Variants in ADAP1 observed in about 807,000 individuals in gnomAD.
ADAP1 encodes the protein ArfGAP with dual PH domains 1.
Under a neutral mutation model 54.9 loss-of-function variants are expected in ADAP1, and 31 were observed. That is an observed-to-expected ratio of 0.56 (90% CI 0.42 to 0.76). The LOEUF (loss-of-function observed/expected upper bound fraction) is 0.76, where lower values mean the gene tolerates loss of function less well. Among genes scored for constraint, ADAP1 ranks in the 30% least tolerant of loss-of-function variants. ADAP1 has a pLI of 0.00. For missense variants in ADAP1, 535 were observed against 512.4 expected (o/e 1.04, Z -0.42); for synonymous variants, 313 against 202.6 (o/e 1.55, Z -4.63).
chr7:904,373 G>A (rs1583123410), intron 5 of ADAP1, 101 bp from the exon 6 acceptor site: 5 of 1,442,480 alleles, frequency 3.5e-6, no homozygotes, highest in African/African-American at 2.9e-5. Context: ...CACCTGCTGT[G>A]CTGTGTGGCT....
At position 898,787 on chromosome 7, in the gene ADAP1, T is replaced by TAC; in HGVS notation, c.*132_*133dup. 1 of 1,258,360 alleles carries TAC rather than the reference T, an allele frequency of 7.9e-7. No homozygotes were observed. The highest frequency in any genetic ancestry group is 1.3e-5 in the South Asian group (1 of 76,124). 77.9% of individuals were successfully genotyped at this position (1,258,360 alleles called of 1,614,324 possible). On this transcript the variant is annotated 3_prime_UTR_variant, in exon 11 of 11. Coordinates refer to ENST00000265846, the MANE Select transcript of ADAP1 (RefSeq NM_006869.4). ...ATCCTGGAAGCTGAAGCTCGGGCCCTACCTGGCCGCGCCGGGCTGCCCTGA... is the reference window on the plus strand; with the variant it reads ...ATCCTGGAAGCTGAAGCTCGGGCCCTACACCTGGCCGCGCCGGGCTGCCCTGA...
At position 915,138 on chromosome 7, in the gene ADAP1, T is replaced by C. The variant is rs1328115967; in HGVS notation, c.388+4830A>G. Among the ~76,000 whole-genome samples, 3 of 55,202 alleles carry C rather than the reference T, an allele frequency of 5.4e-5. No individual in the cohort carries two copies. The East Asian group carries it at 3.1e-3, about 57-fold the overall frequency. 36.2% of individuals were successfully genotyped at this position (55,202 alleles called of 152,430 possible). A position where few individuals can be genotyped will look rare whatever the true frequency, so the allele number is the denominator to read the frequency against. On this transcript the variant is annotated intron_variant, in intron 4 of 10. Transcript: ENST00000265846. ...GGAGCAGCCGCAGTCTACGACCCCA[T>C]GCCCTCTGCAAGAGGCTGCCACCCT...
rs1365070832 is a variant in ADAP1 at position 926,452 on chromosome 7, G to C, written c.305+101C>G. The C allele has an allele frequency of 2.8e-6, 3 of 1,057,956 alleles. No individual in the cohort carries two copies. Among genetic ancestry groups the C allele is most frequent in the Admixed American group, 3.5e-5 (1 of 28,818 alleles). The allele number at this position is 1,057,956 out of a possible 1,614,324, so 65.5% of individuals were successfully genotyped here. A position where few individuals can be genotyped will look rare whatever the true frequency, so the allele number is the denominator to read the frequency against. On this transcript the variant is annotated intron_variant, in intron 3 of 10. Transcript: ENST00000265846. The surrounding 1 kb of genome is among the most constrained non-coding windows in gnomAD (Gnocchi z 4.6). ...CTGCGGCTGGCTTCTCCCCGACCCT[G>C]TGGGCGGCACCCAACTCCCCACCCT...
chr7:901,172 C>CCTGGTCCT, intron 6 of ADAP1: 1 of 373,452 alleles, frequency 2.7e-6, no homozygotes, highest in Admixed American at 3.4e-5. Flanking sequence ...GGGCCAGCAC[C>CCTGGTCCT]CTGGAACAGA....
intron 4 of ADAP1, among the ~76,000 whole-genome samples, chr7:907,804 G>A (rs1845535742): frequency 2.0e-5 from 3 of 152,190 alleles, no homozygotes; most frequent in Admixed American, 6.5e-5. Context: ...GGCCAGGGTC[G>A]AGCAGGTCCT....
chr7:942,645 A>G (rs1337285755), intron 1 of ADAP1, among the ~76,000 whole-genome samples: 1 of 11,758 alleles, frequency 8.5e-5, no homozygotes, highest in African/African-American at 3.1e-4. Context: ...AGGAGGAGGA[A>G]GAGGAGGAAG....
chr7:908,171 G>A (rs957767951), intron 4 of ADAP1, among the ~76,000 whole-genome samples: 3 of 152,170 alleles, frequency 2.0e-5, no homozygotes, highest in Non-Finnish European at 2.9e-5. Flanking sequence ...TCCAGGCGGG[G>A]CTAAACAGCC....
intron 1 of ADAP1, among the ~76,000 whole-genome samples, chr7:944,711 T>C (rs1847096377): frequency 6.6e-6 from 1 of 152,244 alleles, no homozygotes. Flanking sequence ...CATTTCTTTG[T>C]GTTACAAACA....
intron 1 of ADAP1, among the ~76,000 whole-genome samples, chr7:947,598 C>A (rs1353661652): frequency 6.6e-6 from 1 of 152,020 alleles, no homozygotes; most frequent in Non-Finnish European, 1.5e-5. Context: ...ACTCTGCCCA[C>A]CACACCCCGA....
At chr7:916,429 C>G (rs1845934933) in intron 4 of ADAP1, among the ~76,000 whole-genome samples, 1 of 152,202 alleles carries the variant, frequency 6.6e-6, no homozygotes, top group Non-Finnish European at 1.5e-5. Context: ...CAAGAACAGA[C>G]ACAAAACTCA....
chr7:936,796 A>G (rs558745307), intron 1 of ADAP1, among the ~76,000 whole-genome samples: 159 of 152,354 alleles, frequency 1.0e-3, no homozygotes, highest in African/African-American at 3.8e-3. Context: ...CCCCACAAGC[A>G]GGTGCGGCTG....
rs112087076 is a variant in ADAP1, at chr7:903,954, C to T, written c.648+172G>A. 144 of 823,376 alleles carry T rather than the reference C, an allele frequency of 1.7e-4. 1 individual carries two copies. Among genetic ancestry groups the T allele is most frequent in the Middle Eastern group, 1.5e-3 (4 of 2,674 alleles). 51.0% of individuals were successfully genotyped at this position (823,376 alleles called of 1,614,324 possible). A position where few individuals can be genotyped will look rare whatever the true frequency, so the allele number is the denominator to read the frequency against. ...CGGCGCCAGTGCCCACACTCCCACA[C>T]GTCCAAGCACCCGCCTTCCCACGCT... is the stretch of plus-strand genomic sequence containing the variant. On this transcript the variant is annotated intron_variant, in intron 6 of 10. Coordinates refer to ENST00000265846, the MANE Select transcript of ADAP1 (RefSeq NM_006869.4).
At chr7:899,008 G>GCCGCCGGCCGC (rs750764024) in intron 10 of ADAP1, 25 bp downstream of exon 10, 2 of 1,609,280 alleles carry the variant, frequency 1.2e-6, no homozygotes, top group Admixed American at 3.3e-5. Context: ...GCCCTTCCAG[G>GCCGCCGGCCGC]CCGCCGGCCG....
chr7:928,208 A>G (rs530963143), intron 2 of ADAP1, among the ~76,000 whole-genome samples: 1 of 151,340 alleles, frequency 6.6e-6, no homozygotes, highest in Admixed American at 6.6e-5. Context: ...CGGCAGAACA[A>G]GACCATGTCT....
In ADAP1 at chr7:946,084, G is replaced by T. The variant is rs928206416; in HGVS notation, c.82+8312C>A. ...AGGGTGCCCTTGTGGGAGGGGCTCC[G>T]GTGCCCACCACCCTTCACAGCTACG... On this transcript the variant is annotated intron_variant, in intron 1 of 10. Transcript: ENST00000265846. This position sits in a 1 kb window ranked among gnomAD's most constrained non-coding sequence, Gnocchi z 4.3. Among the ~76,000 whole-genome samples, 1 of 152,186 alleles carries T rather than the reference G, an allele frequency of 6.6e-6. No individual in the cohort carries two copies. Among genetic ancestry groups the T allele is most frequent in the Non-Finnish European group, 1.5e-5 (1 of 68,024 alleles).
In ADAP1 at chr7:900,470, C is replaced by T. The variant is rs970681579; in HGVS notation, c.732+63G>A. 7 of 1,494,588 alleles carry T rather than the reference C, an allele frequency of 4.7e-6. No homozygotes were observed. In the African/African-American group the frequency reaches 8.4e-5, roughly 18 times the overall value. 92.6% of individuals were successfully genotyped at this position (1,494,588 alleles called of 1,614,324 possible). On this transcript the variant is annotated intron_variant, in intron 7 of 10. Coordinates refer to ENST00000265846, the MANE Select transcript of ADAP1 (RefSeq NM_006869.4). ...ATCCCAGACTCAGGGCACGAGGGCTCCGTCCACCCCCCACCCCACCACCCC... is the reference window on the plus strand; with the variant it reads ...ATCCCAGACTCAGGGCACGAGGGCTTCGTCCACCCCCCACCCCACCACCCC...
At position 926,440 on chromosome 7, in the gene ADAP1, C is replaced by T. The variant is rs1846392207; in HGVS notation, c.305+113G>A. 1 of 910,214 alleles carries T rather than the reference C, an allele frequency of 1.1e-6. No homozygotes were observed. Among genetic ancestry groups the T allele is most frequent in the African/African-American group, 1.8e-5 (1 of 55,690 alleles). 56.4% of individuals were successfully genotyped at this position (910,214 alleles called of 1,614,324 possible). A position where few individuals can be genotyped will look rare whatever the true frequency, so the allele number is the denominator to read the frequency against. The stretch of plus-strand genomic sequence containing the variant: ...TGGGGGACGCAGCTGCGGCTGGCTT[C>T]TCCCCGACCCTGTGGGCGGCACCCA... On this transcript the variant is annotated intron_variant, in intron 3 of 10. Transcript: ENST00000265846. The surrounding 1 kb of genome is among the most constrained non-coding windows in gnomAD (Gnocchi z 4.6).
chr7:910,083 C>T (rs1364891165), intron 4 of ADAP1, among the ~76,000 whole-genome samples: 1 of 152,168 alleles, frequency 6.6e-6, no homozygotes, highest in African/African-American at 2.4e-5. Context: ...ACACAGGCGC[C>T]CGACTGTGGG....
intron 5 of ADAP1, among the ~76,000 whole-genome samples, 174 bp downstream of exon 5, chr7:904,886 G>C (rs1845021973): frequency 6.6e-6 from 1 of 152,216 alleles, no homozygotes; most frequent in Non-Finnish European, 1.5e-5. Context: ...GGGGACGCTG[G>C]GTCCGGCACA....
Sources: gnomAD v4.1 joint callset for allele counts (sites outside exome capture counted in the v4.1 genomes callset) on GRCh38, gnomAD v4.1.1 for gene constraint, Gnocchi (gnomAD v3.1) non-coding constraint, MANE v1.5 for transcripts, NCBI Gene and HGNC (gene_info 2026-07-23, HGNC 2026-07-21) for gene names.